Variants in SAMD9L observed in about 807,000 individuals in gnomAD.
SAMD9L encodes sterile alpha motif domain containing 9 like.
In SAMD9L, 68 loss-of-function variants were observed where a neutral mutation model predicts 90.7. The observed-to-expected ratio is 0.75, with a 90% CI of 0.62 to 0.92. The LOEUF is 0.92. Among genes scored for constraint, SAMD9L ranks in the 40% least tolerant of loss-of-function variants. The probability of loss-of-function intolerance (pLI) is 0.00; values close to 1 mark genes in which losing one functional copy is unlikely to be tolerated. For missense variants in SAMD9L, 1,604 were observed against 1,824.3 expected (o/e 0.88, Z 2.20); for synonymous variants, 640 against 630.1 (o/e 1.02, Z -0.23).
At position 93,132,404 on chromosome 7, in the gene SAMD9L, C is replaced by G. The variant is rs754761518; in HGVS notation, c.3568G>C (p.Asp1190His). ...AAGAAACAAGCTGTGTTATACATGT[C>G]ATATCGTCTCTGGGACTTCTGTGGT... ...WSPQKSQRRY[D>H]MYNTACFLGE... Residue 1190 changes from aspartate (D) to histidine (H), a missense_variant, in exon 5 of 5, where the codon GAC becomes CAC. Physicochemically the swap from Asp to His is moderately conservative, Grantham distance 81. Around this residue, in one of 7 missense-constraint regions of SAMD9L, gnomAD observed 302 missense variants for 314.7 expected, o/e 0.96. Transcript: ENST00000318238. 6.8e-6 allele frequency: 11 copies of G among 1,613,730 alleles called. No homozygotes were observed. Among genetic ancestry groups the G allele is most frequent in the Non-Finnish European group, 9.3e-6 (11 of 1,179,842 alleles).
In SAMD9L at chr7:93,134,497, T is replaced by C. The variant is rs1268395664; in HGVS notation, c.1475A>G (p.Gln492Arg). ...GCCGTTGCAGAAAATCCAGCTGGGCTGTTGGTAAAGATTAAGAGTAGAAAT... is the reference window on the plus strand; with the variant it reads ...GCCGTTGCAGAAAATCCAGCTGGGCCGTTGGTAAAGATTAAGAGTAGAAAT... The part of the protein sequence containing the change: ...EKISTLNLYQ[Q>R]PSWIFCNGRS... The change falls in exon 5 of 5, where the codon CAG (glutamine) becomes CGG (arginine). Residue 492 changes from glutamine to arginine, a missense_variant. Gln to Arg is a conservative substitution (Grantham distance 43). Coordinates refer to ENST00000318238, the MANE Select transcript of SAMD9L (RefSeq NM_152703.5). 1.2e-6 allele frequency: 2 copies of C among 1,614,048 alleles called. No homozygotes were observed. Among genetic ancestry groups the C allele is most frequent in the Non-Finnish European group, 1.7e-6 (2 of 1,179,926 alleles).
In SAMD9L at chr7:93,131,594, T is replaced by G; in HGVS notation, c.4378A>C (p.Arg1460=). Residue 1460 remains arginine, a synonymous_variant, in exon 5 of 5, where the codon AGG becomes CGG. Transcript: ENST00000318238. Reference sequence around the variant, plus strand: ...CTGCACATGCGCTTGTACTGTCCCCTGAAGGATCTATTTAAGGATGAAACA... The same window carrying G: ...CTGCACATGCGCTTGTACTGTCCCCGGAAGGATCTATTTAAGGATGAAACA... ...KYVSSLNRSF[R]GQYKRMCRSK... 1 of 1,613,962 alleles carries G rather than the reference T, an allele frequency of 6.2e-7. No individual in the cohort carries two copies. Among genetic ancestry groups the G allele is most frequent in the Non-Finnish European group, 8.5e-7 (1 of 1,179,878 alleles).
rs988545376 is a variant in SAMD9L at position 93,131,095 on chromosome 7, A to G, written c.*122T>C. ...AGGCTTGTAATTCATTCAGGGAGGCAAAAGCAAAATCTGTAATTAGAGGTT... is the reference window on the plus strand; with the variant it reads ...AGGCTTGTAATTCATTCAGGGAGGCGAAAGCAAAATCTGTAATTAGAGGTT... On this transcript the variant is annotated 3_prime_UTR_variant, in exon 5 of 5. Coordinates refer to ENST00000318238, the MANE Select transcript of SAMD9L (RefSeq NM_152703.5). 3 of 632,330 alleles carry G rather than the reference A, an allele frequency of 4.7e-6. No homozygotes were observed. The highest frequency in any genetic ancestry group is 3.1e-5 in the East Asian group (1 of 32,234). 39.2% of individuals were successfully genotyped at this position (632,330 alleles called of 1,614,324 possible). A position where few individuals can be genotyped will look rare whatever the true frequency, so the allele number is the denominator to read the frequency against.
chr7:93,134,642 A>G lies in SAMD9L; in HGVS notation c.1330T>C (p.Leu444=). 6.2e-7 allele frequency: 1 copy of G among 1,614,026 alleles called. No individual in the cohort carries two copies. The highest frequency in any genetic ancestry group is 1.1e-5 in the South Asian group (1 of 91,082). Residue 444 remains leucine (L), a synonymous_variant, in exon 5 of 5, where the codon TTG becomes CTG. Transcript: ENST00000318238. ...FLKEIKWFAV[L]EFDPESMING... is the part of the protein sequence containing the mutation. ...ATCATAGATTCAGGATCAAACTCCA[A>G]CACAGCAAACCATTTAATTTCTTTT...
In SAMD9L at chr7:93,131,719, C is replaced by T; in HGVS notation, c.4253G>A (p.Gly1418Glu). 1 of 1,613,784 alleles carries T rather than the reference C, an allele frequency of 6.2e-7. No individual in the cohort carries two copies. The highest frequency in any genetic ancestry group is 8.5e-7 in the Non-Finnish European group (1 of 1,179,828). Residue 1418 changes from glycine to glutamate, a missense_variant, in exon 5 of 5, where the codon GGA (glycine) becomes GAA (glutamate). Around this residue, in one of 7 missense-constraint regions of SAMD9L, gnomAD observed 282 missense variants for 329.6 expected, o/e 0.86. Coordinates refer to ENST00000318238, the MANE Select transcript of SAMD9L (RefSeq NM_152703.5). ...AGGACCTGGATATTGATGACTTAGT[C>T]CTACAAATTGCAAGACCTCTCGGAG... is the stretch of plus-strand genomic sequence containing the variant. Reference protein sequence around the residue: ...KQLREVLQFVGLSHQYPGPYF... With the variant: ...KQLREVLQFVELSHQYPGPYF...
At position 93,146,883 on chromosome 7, in the gene SAMD9L, C is replaced by T. The variant is rs1792911526; in HGVS notation, c.-779G>A. ...ACCCTAGTTACAGACTACACCTTAC[C>T]AACTTTCTGCTGTGTCACTCACAGT... On this transcript the variant is annotated splice_region_variant and 5_prime_UTR_variant, in exon 2 of 5. Transcript: ENST00000318238. 6.6e-6 allele frequency: 1 copy of T among 152,148 alleles called. No individual in the cohort carries two copies. Among genetic ancestry groups the T allele is most frequent in the African/African-American group, 2.4e-5 (1 of 41,426 alleles). 9.4% of individuals were successfully genotyped at this position (152,148 alleles called of 1,614,324 possible).
chr7:93,135,903 T>C lies in SAMD9L; in HGVS notation c.69A>G (p.Val23=), dbSNP rs369917648. 23 of 1,612,562 alleles carry C rather than the reference T, an allele frequency of 1.4e-5. No individual in the cohort carries two copies. In the African/African-American group the frequency reaches 2.8e-4, roughly 20 times the overall value. ...GCTCATTAATCTTAAGGTCTTCATTTACCCATTTTTTCACATGCTCTTTGG... is the reference window on the plus strand; with the variant it reads ...GCTCATTAATCTTAAGGTCTTCATTCACCCATTTTTTCACATGCTCTTTGG... The part of the protein sequence containing the change: ...DWTKEHVKKW[V]NEDLKINEQY... The change falls in exon 5 of 5, where the codon GTA becomes GTG. Residue 23 remains valine, a synonymous_variant. Coordinates refer to ENST00000318238, the MANE Select transcript of SAMD9L (RefSeq NM_152703.5).
At chr7:93,142,835 C>T (rs1792744870) in intron 4 of SAMD9L, among the ~76,000 whole-genome samples, 1 of 152,226 alleles carries the variant, frequency 6.6e-6, no homozygotes, top group Admixed American at 6.5e-5. Flanking sequence ...GTATCTTCTC[C>T]TAGCCAGTGT....
At position 93,145,577 on chromosome 7, in the gene SAMD9L, T is replaced by TA. The variant is rs1464953957; in HGVS notation, c.-316dup. ...GGTCCTTGTTCAGTTTGCCGGAGGA[T>TA]ATACTTGTTGAGAACGTATTGCATA... On this transcript the variant is annotated 5_prime_UTR_variant, in exon 3 of 5. An upstream open reading frame in the 5' UTR gains an earlier in-frame stop. Transcript: ENST00000318238. 6.6e-6 allele frequency: 1 copy of TA among 152,212 alleles called. No individual in the cohort carries two copies. Among genetic ancestry groups the TA allele is most frequent in the Non-Finnish European group, 1.5e-5 (1 of 68,052 alleles). The allele number at this position is 152,212 out of a possible 1,614,324, so 9.4% of individuals were successfully genotyped here.
In SAMD9L at chr7:93,133,296, C is replaced by A. The variant is rs1258385388; in HGVS notation, c.2676G>T (p.Met892Ile). Residue 892 changes from methionine (M) to isoleucine (I), a missense_variant, in exon 5 of 5, where the codon ATG becomes ATT. Physicochemically the swap from Met to Ile is conservative, Grantham distance 10. Around this residue, in one of 7 missense-constraint regions of SAMD9L, gnomAD observed 606 missense variants for 717.6 expected, o/e 0.84. Transcript: ENST00000318238. ...NCENFYSFMI[M>I]KSNFDETYIE... ...TATATGTTTCATCAAAATTGCTTTT[C>A]ATGATCATGAAGGAATAAAAGTTTT... 1 of 1,612,230 alleles carries A rather than the reference C, an allele frequency of 6.2e-7. No homozygotes were observed. Among genetic ancestry groups the A allele is most frequent in the Non-Finnish European group, 8.5e-7 (1 of 1,179,000 alleles).
intron 4 of SAMD9L, among the ~76,000 whole-genome samples, chr7:93,136,689 A>G (rs1352204496): frequency 1.3e-5 from 2 of 152,204 alleles, no homozygotes; most frequent in African/African-American, 2.4e-5. Context: ...TATTGATATG[A>G]GGCTAATGAA....
At position 93,133,322 on chromosome 7, in the gene SAMD9L, C is replaced by G. The variant is rs941311343; in HGVS notation, c.2650G>C (p.Glu884Gln). The stretch of plus-strand genomic sequence containing the variant: ...ATGATCATGAAGGAATAAAAGTTTT[C>G]ACAGTTCTTGTGCTGCTTTTCAATT... Reference protein sequence around the residue: ...KEIEKQHKNCENFYSFMIMKS... With the variant: ...KEIEKQHKNCQNFYSFMIMKS... The change falls in exon 5 of 5, where the codon GAA becomes CAA. Residue 884 changes from glutamate (E) to glutamine (Q), a missense_variant. By Grantham distance (29) the Glu-to-Gln change is conservative. Coordinates refer to ENST00000318238, the MANE Select transcript of SAMD9L (RefSeq NM_152703.5). 2 of 1,612,488 alleles carry G rather than the reference C, an allele frequency of 1.2e-6. No homozygotes were observed. The highest frequency in any genetic ancestry group is 4.5e-5 in the East Asian group (2 of 44,848).
intron 4 of SAMD9L, among the ~76,000 whole-genome samples, chr7:93,138,431 T>TCACACA (rs34330527): frequency 4.0e-5 from 6 of 150,280 alleles, no homozygotes; most frequent in East Asian, 3.9e-4. Context: ...AGGAAATAAG[T>TCACACA]CACACACACA....
At chr7:93,140,070 A>G (rs1792620922) in intron 4 of SAMD9L, among the ~76,000 whole-genome samples, 2 of 150,994 alleles carry the variant, frequency 1.3e-5, no homozygotes, top group Admixed American at 6.6e-5. Flanking sequence ...TCAGTCCCCA[A>G]CAGCTTGTCA....
At chr7:93,141,830 C>G (rs1019231297) in intron 4 of SAMD9L, among the ~76,000 whole-genome samples, 2 of 152,214 alleles carry the variant, frequency 1.3e-5, no homozygotes, top group African/African-American at 4.8e-5. Context: ...GTCACTGACT[C>G]TTAGTCAGTG....
Position 93,131,059 on chromosome 7 carries a change from A to G in SAMD9L, c.*158T>C, listed in dbSNP as rs1446799437. 2 of 518,882 alleles carry G rather than the reference A, an allele frequency of 3.9e-6. No individual in the cohort carries two copies. The highest frequency in any genetic ancestry group is 2.0e-5 in the African/African-American group (1 of 50,894). 32.1% of individuals were successfully genotyped at this position (518,882 alleles called of 1,614,324 possible). On this transcript the variant is annotated 3_prime_UTR_variant, in exon 5 of 5. Coordinates refer to ENST00000318238, the MANE Select transcript of SAMD9L (RefSeq NM_152703.5). ...CAAGCTCTGCGGGTAGGCATATTTC[A>G]TATCTTAAAAAGGCTTGTAATTCAT...
At chr7:93,140,942 C>T (rs114283624) in intron 4 of SAMD9L, among the ~76,000 whole-genome samples, 5,803 of 152,304 alleles carry the variant, frequency 0.038, 337 homozygotes, top group African/African-American at 0.13. Context: ...CTCTTCCCCA[C>T]ATTTGTGCTT....
In SAMD9L at chr7:93,131,330, C is replaced by T; in HGVS notation, c.4642G>A (p.Val1548Ile). 1 of 1,613,376 alleles carries T rather than the reference C, an allele frequency of 6.2e-7. No homozygotes were observed. Among genetic ancestry groups the T allele is most frequent in the Non-Finnish European group, 8.5e-7 (1 of 1,179,618 alleles). The change falls in exon 5 of 5, where the codon GTA becomes ATA. Residue 1548 changes from valine to isoleucine, a missense_variant. Transcript: ENST00000318238. ...YGTEEKIKIP[V>I]ISVYSGPLRS... is the part of the protein sequence containing the mutation. ...AGTGGACCTGAATAAACAGATATTA[C>T]TGGTATTTTTATTTTTTCCTCTGTT...
chr7:93,141,432 G>A (rs531168230), intron 4 of SAMD9L, among the ~76,000 whole-genome samples: 1 of 152,222 alleles, frequency 6.6e-6, no homozygotes, highest in East Asian at 1.9e-4. Flanking sequence ...GTTCACCTAG[G>A]TATATGACAG....
Sources: allele counts gnomAD v4.1 joint callset (sites outside exome capture counted in the v4.1 genomes callset), GRCh38; gene constraint gnomAD v4.1.1; regional missense constraint gnomAD v4.1.1; transcripts MANE v1.5; gene names NCBI Gene and HGNC (gene_info 2026-07-23, HGNC 2026-07-21).